BLTP1: variants seen among roughly 807,000 people sequenced by gnomAD.
BLTP1 encodes bridge-like lipid transfer protein family member 1, also known as fragile site-associated protein.
the BLTP1 span, chr4:122,281,505 ATTT>A: frequency 1.0e-5 from 16 of 1,541,310 alleles, no homozygotes; most frequent in East Asian, 3.7e-4. Flanking sequence ...TCCTGTGTTT[ATTT>A]TTTAATTATT....
At chr4:122,157,694 A>G in the BLTP1 span, among the ~76,000 whole-genome samples, 8 of 152,264 alleles carry the variant, frequency 5.3e-5, no homozygotes, top group African/African-American at 1.4e-4. Flanking sequence ...TAGGGGCTCA[A>G]CTGGGGCTGG....
chr4:122,343,327 T>G, the BLTP1 span: 2 of 1,545,142 alleles, frequency 1.3e-6, no homozygotes, highest in Middle Eastern at 2.4e-4. Flanking sequence ...TATTCTGAAG[T>G]CATGTCTGGT....
chr4:122,312,928 A>G, the BLTP1 span: 1 of 861,092 alleles, frequency 1.2e-6, no homozygotes, highest in Non-Finnish European at 1.4e-6. Context: ...TGACTGAGGA[A>G]GGTCTTAATT....
the BLTP1 span, chr4:122,277,495 C>T: frequency 7.2e-6 from 7 of 976,120 alleles, no homozygotes; most frequent in Non-Finnish European, 8.5e-6. Flanking sequence ...TCTTTCATTT[C>T]ACAAATATTT....
At chr4:122,178,386 A>T in the BLTP1 span, among the ~76,000 whole-genome samples, 4 of 152,230 alleles carry the variant, frequency 2.6e-5, no homozygotes, top group South Asian at 8.3e-4. Flanking sequence ...AATGAGGGAA[A>T]TTAAGAGCCT....
chr4:122,323,971 G>C, the BLTP1 span, among the ~76,000 whole-genome samples: 1 of 151,956 alleles, frequency 6.6e-6, no homozygotes, highest in Non-Finnish European at 1.5e-5. Context: ...TAGAGACAGG[G>C]AGAGTGTTAA....
At chr4:122,178,480 G>A in the BLTP1 span, among the ~76,000 whole-genome samples, 2 of 152,268 alleles carry the variant, frequency 1.3e-5, no homozygotes, top group East Asian at 3.9e-4. Context: ...TCTCAAATCC[G>A]TCTCTAACTT....
At chr4:122,339,487 CATATTTTAAAAT>C in the BLTP1 span, 1 of 956,332 alleles carries the variant, frequency 1.0e-6, no homozygotes, top group Non-Finnish European at 1.4e-6. Flanking sequence ...GTAATTAATA[CATATTTTAAAAT>C]ATATTTGGAA....
the BLTP1 span, chr4:122,286,407 AT>A: frequency 2.8e-6 from 4 of 1,446,658 alleles, no homozygotes; most frequent in Non-Finnish European, 2.7e-6. Context: ...CAACTTTAAA[AT>A]ATCCTTTCAT....
At chr4:122,269,455 T>C in the BLTP1 span, 1 of 985,304 alleles carries the variant, frequency 1.0e-6, no homozygotes, top group Non-Finnish European at 1.2e-6. Context: ...TGACATTCCT[T>C]TTAATTTTTC....
At chr4:122,344,301 A>G in the BLTP1 span, 2 of 1,422,330 alleles carry the variant, frequency 1.4e-6, no homozygotes, top group Non-Finnish European at 1.9e-6. Context: ...AGTATATTAG[A>G]TAATTTTCAC....
the BLTP1 span, among the ~76,000 whole-genome samples, chr4:122,306,891 C>G: frequency 1.3e-5 from 2 of 152,060 alleles, no homozygotes; most frequent in African/African-American, 4.8e-5. Flanking sequence ...GTAACAGAAT[C>G]CTGTTAGAAA....
chr4:122,272,054 G>A, the BLTP1 span: 3 of 1,343,602 alleles, frequency 2.2e-6, no homozygotes, highest in Admixed American at 2.5e-5. Context: ...GGAGAAAGAG[G>A]ACTGGTTGGG....
chr4:122,329,805 C>T, the BLTP1 span, among the ~76,000 whole-genome samples: 1 of 151,840 alleles, frequency 6.6e-6, no homozygotes, highest in Non-Finnish European at 1.5e-5. Context: ...ACAGTGTTAT[C>T]TGTAGGCACA....
the BLTP1 span, among the ~76,000 whole-genome samples, chr4:122,159,823 C>T: frequency 2.6e-5 from 4 of 152,206 alleles, no homozygotes; most frequent in Non-Finnish European, 5.9e-5. Context: ...TTAAAGCCTA[C>T]TCTATTTCTA....
chr4:122,277,819 T>C, the BLTP1 span: 6 of 755,886 alleles, frequency 7.9e-6, no homozygotes, highest in Non-Finnish European at 9.7e-6. Context: ...ATATTTTTTC[T>C]TTTCATATTT....
chr4:122,281,180 C>CAGT, the BLTP1 span: 3 of 365,776 alleles, frequency 8.2e-6, no homozygotes, highest in Non-Finnish European at 1.1e-5. Context: ...TCATTCTTAA[C>CAGT]AGTAGTAGTA....
chr4:122,328,089 T>C, the BLTP1 span: 2 of 1,511,456 alleles, frequency 1.3e-6, no homozygotes, highest in South Asian at 1.4e-5. Context: ...TCATGTTTTT[T>C]CTTTTTACAA....
chr4:122,240,255 AC>A, the BLTP1 span: 2 of 1,613,998 alleles, frequency 1.2e-6, no homozygotes, highest in Non-Finnish European at 1.7e-6. Context: ...CAACAAAAGA[AC>A]CTCTAAATCC....
Sources: allele counts gnomAD v4.1 joint callset (sites outside exome capture counted in the v4.1 genomes callset), GRCh38; gene constraint gnomAD v4.1.1; transcripts MANE v1.5; gene names NCBI Gene and HGNC (gene_info 2026-07-23, HGNC 2026-07-21).